TRIM50: variants seen among roughly 807,000 people sequenced by gnomAD.
The protein encoded by TRIM50 is tripartite motif containing 50, also known as E3 ubiquitin-protein ligase TRIM50.
A neutral mutation model predicts 44.9 loss-of-function variants in TRIM50; 34 were observed. That is an observed-to-expected ratio of 0.76 (90% CI 0.58 to 1.01). The LOEUF (loss-of-function observed/expected upper bound fraction) is 1.01. TRIM50 is among the 50% of genes least tolerant of loss of function. TRIM50 has a pLI of 0.00. For synonymous variants in TRIM50, 307 were observed against 291.1 expected (o/e 1.05, Z -0.56); for missense variants, 633 against 663.7 (o/e 0.95, Z 0.51).
chr7:73,314,140 G>A (rs1804303586), intron 6 of TRIM50: 2 of 382,460 alleles, frequency 5.2e-6, no homozygotes, highest in Non-Finnish European at 9.7e-6. Flanking sequence ...GGGGAAGAAG[G>A]TGGCTCCGGC....
Position 73,313,389 on chromosome 7 carries a change from G to C in TRIM50, c.996C>G (p.Phe332Leu). Reference sequence around the variant, plus strand: ...TGGCCAGGACGCAGGTGCTGTAGTCGAAGCGCTCAGGCTGGCTGGCTCGCC... The same window carrying C: ...TGGCCAGGACGCAGGTGCTGTAGTCCAAGCGCTCAGGCTGGCTGGCTCGCC... The part of the protein sequence containing the change: ...AQRRASQPER[F>L]DYSTCVLASR... Residue 332 changes from phenylalanine to leucine, a missense_variant, in exon 7 of 7, where the codon TTC becomes TTG. Phe to Leu is a conservative substitution (Grantham distance 22). Coordinates refer to ENST00000333149, the MANE Select transcript of TRIM50 (RefSeq NM_178125.3). This position sits in a 1 kb window ranked among gnomAD's most constrained non-coding sequence, Gnocchi z 4.9. 6.3e-7 allele frequency: 1 copy of C among 1,588,280 alleles called. No homozygotes were observed. The highest frequency in any genetic ancestry group is 8.5e-7 in the Non-Finnish European group (1 of 1,169,754).
chr7:73,324,928 C>G, intron 1 of TRIM50, 123 bp from the exon 2 acceptor site: 1 of 1,483,864 alleles, frequency 6.7e-7, no homozygotes, highest in Admixed American at 2.3e-5. Flanking sequence ...TCCTGGATCC[C>G]AGTCCTAACC....
At chr7:73,320,576 T>C (rs1180004242) in intron 2 of TRIM50, among the ~76,000 whole-genome samples, 13 of 152,046 alleles carry the variant, frequency 8.6e-5, no homozygotes, top group Admixed American at 6.6e-5. Context: ...CATACACCTG[T>C]AGTCCCAGCT....
chr7:73,321,381 G>T (rs1215286702), intron 2 of TRIM50, among the ~76,000 whole-genome samples: 1 of 152,228 alleles, frequency 6.6e-6, no homozygotes, highest in African/African-American at 2.4e-5. Context: ...GAATTAGTGG[G>T]TATTTAATCA....
At chr7:73,321,120 A>C (rs1337435492) in intron 2 of TRIM50, among the ~76,000 whole-genome samples, 1 of 151,918 alleles carries the variant, frequency 6.6e-6, no homozygotes, top group Admixed American at 6.6e-5. Flanking sequence ...TCACTTGAGG[A>C]TAGGAGTTTG....
chr7:73,320,885 G>A lies in TRIM50; in HGVS notation c.400-643C>T, dbSNP rs548886329. Among the ~76,000 whole-genome samples the A allele has an allele frequency of 9.4e-4, 142 of 151,862 alleles. 2 individuals carry two copies. Among genetic ancestry groups the A allele is most frequent in the East Asian group, 8.0e-3 (41 of 5,144 alleles). ...ACTAAAAATACAAAATTAGCCAGGCGTGGTGGTGCATGCCTGTAATCCCAG... is the reference window on the plus strand; with the variant it reads ...ACTAAAAATACAAAATTAGCCAGGCATGGTGGTGCATGCCTGTAATCCCAG... On this transcript the variant is annotated intron_variant, in intron 2 of 6. Coordinates refer to ENST00000333149, the MANE Select transcript of TRIM50 (RefSeq NM_178125.3).
chr7:73,326,404 C>CTT (rs36063137), intron 1 of TRIM50, among the ~76,000 whole-genome samples: 9 of 138,882 alleles, frequency 6.5e-5, no homozygotes, highest in Non-Finnish European at 1.1e-4. Context: ...AGCCTGGCCT[C>CTT]TTTTTTTTTT....
intron 3 of TRIM50, 129 bp from the exon 4 acceptor site, chr7:73,319,181 A>G (rs1804434924): frequency 2.7e-6 from 4 of 1,485,548 alleles, no homozygotes; most frequent in Non-Finnish European, 3.6e-6. Context: ...GGGAGGCTGC[A>G]TGGCCTGGCG....
In TRIM50 at chr7:73,312,954, G is replaced by C; in HGVS notation, c.1431C>G (p.Gly477=). The C allele has an allele frequency of 4.5e-6, 7 of 1,549,472 alleles. No homozygotes were observed. The highest frequency in any genetic ancestry group is 6.1e-6 in the Non-Finnish European group (7 of 1,146,436). Residue 477 remains glycine (G), a synonymous_variant, in exon 7 of 7, where the codon GGC becomes GGG. Coordinates refer to ENST00000333149, the MANE Select transcript of TRIM50 (RefSeq NM_178125.3). ...TGGTGGGCTGCTCGGGGCTGAGGGG[G>C]CCAGGCCCGCTGGGCGGGGGCAGCA... is the stretch of plus-strand genomic sequence containing the variant. ...PMVLPPPSGP[G]PLSPEQPTKL
Position 73,323,097 on chromosome 7 carries a change from G to A in TRIM50, c.399+1292C>T, listed in dbSNP as rs13240664. Among the ~76,000 whole-genome samples the A allele has an allele frequency of 6.1e-3, 924 of 152,204 alleles. 12 individuals are homozygous for A. The highest frequency in any genetic ancestry group is 0.02 in the African/African-American group (851 of 41,520). On this transcript the variant is annotated intron_variant, in intron 2 of 6. Coordinates refer to ENST00000333149, the MANE Select transcript of TRIM50 (RefSeq NM_178125.3). ...CCAGGCCTTTGTCCCAGTTCCCATC[G>A]ACTTAGGTCCTGGCACCTTCATCTC...
intron 2 of TRIM50, 25 bp from the exon 3 acceptor site, chr7:73,320,267 A>G (rs1554544858): frequency 1.1e-5 from 18 of 1,614,006 alleles, no homozygotes; most frequent in Non-Finnish European, 1.4e-5. Context: ...CCATGGCCCC[A>G]TGAGCAGCTG....
At chr7:73,319,125 C>A in intron 3 of TRIM50, 73 bp from the exon 4 acceptor site, 5 of 1,611,300 alleles carry the variant, frequency 3.1e-6, no homozygotes, top group Non-Finnish European at 4.2e-6. Context: ...GCCTCGGTGT[C>A]CCCAGGGCCT....
Position 73,313,106 on chromosome 7 carries a change from A to C in TRIM50, c.1279T>G (p.Phe427Val). 6.3e-7 allele frequency: 1 copy of C among 1,594,420 alleles called. No homozygotes were observed. The highest frequency in any genetic ancestry group is 8.5e-7 in the Non-Finnish European group (1 of 1,171,086). The change falls in exon 7 of 7, where the codon TTC becomes GTC. Residue 427 changes from phenylalanine (F) to valine (V), a missense_variant. Physicochemically the swap from Phe to Val is conservative, Grantham distance 50. Transcript: ENST00000333149. This position sits in a 1 kb window ranked among gnomAD's most constrained non-coding sequence, Gnocchi z 4.9. ...YLHYEQGELT[F>V]FDADRPDDLR... Reference sequence around the variant, plus strand: ...TCATCGGGGCGGTCGGCATCGAAGAAGGTGAGTTCGCCCTGCTCATAGTGC... The same window carrying C: ...TCATCGGGGCGGTCGGCATCGAAGACGGTGAGTTCGCCCTGCTCATAGTGC...
At position 73,318,645 on chromosome 7, in the gene TRIM50, G is replaced by T. The variant is rs199653214; in HGVS notation, c.749+42C>A. On this transcript the variant is annotated intron_variant, in intron 5 of 6. Coordinates refer to ENST00000333149, the MANE Select transcript of TRIM50 (RefSeq NM_178125.3). ...CAGTGGAGCTGAGATGCCCGTGCCC[G>T]CAGCCACCAGACCCTGGCTGAGCTC... 2.5e-6 allele frequency: 4 copies of T among 1,612,382 alleles called. No individual in the cohort carries two copies. The South Asian group carries it at 3.3e-5, about 13-fold the overall frequency.
rs1182178228 is a variant in TRIM50 at position 73,320,060 on chromosome 7, T to A, written c.495+87A>T. The A allele has an allele frequency of 5.6e-6, 9 of 1,609,036 alleles. No individual in the cohort carries two copies. The South Asian group carries it at 9.9e-5, about 18-fold the overall frequency. ...TCTGGCTTTATATGGAAGGCATGGT[T>A]TTCTGTAAAGGACCAATGAGAACTG... is the stretch of plus-strand genomic sequence containing the variant. On this transcript the variant is annotated intron_variant, in intron 3 of 6. Transcript: ENST00000333149.
At chr7:73,320,111 C>T (rs534687991) in intron 3 of TRIM50, 36 bp downstream of exon 3, 5 of 1,613,872 alleles carry the variant, frequency 3.1e-6, no homozygotes, top group Admixed American at 1.7e-5. Context: ...TGAAGGTGGC[C>T]GGTCCCAGGC....
At position 73,312,890 on chromosome 7, in the gene TRIM50, G is replaced by A; in HGVS notation, c.*31C>T. 2.0e-6 allele frequency: 3 copies of A among 1,484,384 alleles called. No individual in the cohort carries two copies. The highest frequency in any genetic ancestry group is 2.7e-6 in the Non-Finnish European group (3 of 1,115,444). The allele number at this position is 1,484,384 out of a possible 1,614,324, so 92.0% of individuals were successfully genotyped here. A position where few individuals can be genotyped will look rare whatever the true frequency, so the allele number is the denominator to read the frequency against. On this transcript the variant is annotated 3_prime_UTR_variant, in exon 7 of 7. Transcript: ENST00000333149. The stretch of plus-strand genomic sequence containing the variant: ...GAGTCCCCGGTGCCCCGCCGGGATG[G>A]GCCTGTGGGCCGGCAGGACTCCGGG...
intron 3 of TRIM50, among the ~76,000 whole-genome samples, chr7:73,319,936 G>A (rs1324057833): frequency 6.6e-6 from 1 of 152,210 alleles, no homozygotes; most frequent in African/African-American, 2.4e-5. Flanking sequence ...AGGACACAGA[G>A]GGCAAAAGCC....
rs569020321 is a variant in TRIM50 at position 73,313,822 on chromosome 7, G to A, written c.875-312C>T. On this transcript the variant is annotated intron_variant, in intron 6 of 6. Transcript: ENST00000333149. This position sits in a 1 kb window ranked among gnomAD's most constrained non-coding sequence, Gnocchi z 4.9. ...GCTGTGGGGGGCTGAGGTGGCTGGA[G>A]AAAGAAATGGACACTGGGCTCGGGG... Among the ~76,000 whole-genome samples, 476 of 152,310 alleles carry A rather than the reference G, an allele frequency of 3.1e-3. 2 individuals are homozygous for A. Among genetic ancestry groups the A allele is most frequent in the African/African-American group, 0.011 (458 of 41,562 alleles).
Sources: allele counts gnomAD v4.1 joint callset (sites outside exome capture counted in the v4.1 genomes callset), GRCh38; gene constraint gnomAD v4.1.1; non-coding constraint Gnocchi (gnomAD v3.1); transcripts MANE v1.5; gene names NCBI Gene and HGNC (gene_info 2026-07-23, HGNC 2026-07-21).